The following STN1 variants were observed in gnomAD, a reference collection of about 807,000 sequenced individuals.
STN1 encodes STN1 subunit of CST complex.
In STN1, 29 loss-of-function variants were observed where a neutral mutation model predicts 45.5. That is an observed-to-expected ratio of 0.64 (90% CI 0.47 to 0.87). The LOEUF (loss-of-function observed/expected upper bound fraction) is 0.87. STN1 is among the 40% of genes least tolerant of loss of function. The pLI is 0.00. For missense variants in STN1, 376 were observed against 441.4 expected (o/e 0.85, Z 1.33); for synonymous variants, 148 against 159.0 (o/e 0.93, Z 0.52).
intron 8 of STN1, among the ~76,000 whole-genome samples, chr10:103,891,248 G>C (rs937091100): frequency 2.6e-5 from 4 of 152,182 alleles, no homozygotes; most frequent in Non-Finnish European, 5.9e-5. Context: ...CATCAAAAAG[G>C]AATGTCTAAA....
chr10:103,894,833 A>T (rs1843161439), intron 7 of STN1, among the ~76,000 whole-genome samples: 1 of 152,106 alleles, frequency 6.6e-6, no homozygotes, highest in Non-Finnish European at 1.5e-5. Context: ...AACAAACTCA[A>T]CATTCATCCA....
At chr10:103,908,430 G>T (rs1242910990) in intron 3 of STN1, among the ~76,000 whole-genome samples, 5 of 151,984 alleles carry the variant, frequency 3.3e-5, no homozygotes, top group African/African-American at 1.2e-4. Context: ...CCTTGTTTCA[G>T]CTGCGGGATG....
chr10:103,910,269 G>A (rs1346644718), intron 3 of STN1, among the ~76,000 whole-genome samples: 2 of 152,128 alleles, frequency 1.3e-5, no homozygotes, highest in South Asian at 2.1e-4. Flanking sequence ...GCTCATAGGG[G>A]GCTGTATTTT....
At chr10:103,887,187 C>G (rs1449437277) in intron 9 of STN1, among the ~76,000 whole-genome samples, 1 of 152,194 alleles carries the variant, frequency 6.6e-6, no homozygotes, top group Admixed American at 6.5e-5. Context: ...TGCTGTCCAG[C>G]TAATGAAAAG....
chr10:103,904,347 G>A (rs990659228), intron 4 of STN1, among the ~76,000 whole-genome samples: 6 of 151,878 alleles, frequency 4.0e-5, no homozygotes, highest in Non-Finnish European at 7.4e-5. Context: ...CGGGTGTGGT[G>A]GCTCAAGCCT....
At position 103,880,567 on chromosome 10, in the gene STN1, T is replaced by C. The variant is rs2134352507; in HGVS notation, c.*2117A>G. 6.6e-6 allele frequency among the ~76,000 whole-genome samples: 1 copy of C among 152,338 alleles called. No individual in the cohort carries two copies. Among genetic ancestry groups the C allele is most frequent in the East Asian group, 1.9e-4 (1 of 5,180 alleles). On this transcript the variant is annotated 3_prime_UTR_variant, in exon 10 of 10. Transcript: ENST00000224950. ...GTAATTGGGAGCCTGGCTTTGGGCC[T>C]GTGAAATCTGAGATGTCCATTAGAG...
intron 6 of STN1, among the ~76,000 whole-genome samples, chr10:103,898,067 T>C (rs1843183185): frequency 6.6e-6 from 1 of 152,202 alleles, no homozygotes; most frequent in African/African-American, 2.4e-5. Flanking sequence ...AGACACACAT[T>C]GGCTTATGAA....
intron 9 of STN1, among the ~76,000 whole-genome samples, chr10:103,887,322 A>G (rs747052976): frequency 2.6e-5 from 4 of 151,754 alleles, no homozygotes; most frequent in Non-Finnish European, 5.9e-5. Context: ...GATAAATAAT[A>G]TGATATGTTT....
intron 7 of STN1, among the ~76,000 whole-genome samples, chr10:103,892,752 C>T (rs1419011521): frequency 6.6e-6 from 1 of 152,168 alleles, no homozygotes; most frequent in Non-Finnish European, 1.5e-5. Context: ...CAGAGATCCA[C>T]CAAGGGGAGT....
At chr10:103,887,479 G>T (rs1352765472) in intron 9 of STN1, among the ~76,000 whole-genome samples, 1 of 152,178 alleles carries the variant, frequency 6.6e-6, no homozygotes, top group Non-Finnish European at 1.5e-5. Flanking sequence ...TTTTGGAGTG[G>T]ATTTTTGCAC....
chr10:103,885,887 C>G (rs1334582964), intron 9 of STN1, among the ~76,000 whole-genome samples: 3 of 152,166 alleles, frequency 2.0e-5, no homozygotes, highest in Non-Finnish European at 4.4e-5. Flanking sequence ...GCGGTGATAA[C>G]TGCGCCTTAT....
rs1216158481 is a variant in STN1, at chr10:103,882,846, A to G, written c.950-5T>C. 1 of 1,609,176 alleles carries G rather than the reference A, an allele frequency of 6.2e-7. No homozygotes were observed. The highest frequency in any genetic ancestry group is 2.2e-5 in the East Asian group (1 of 44,802). On this transcript the variant is annotated splice_polypyrimidine_tract_variant and splice_region_variant and intron_variant, in intron 9 of 9. Transcript: ENST00000224950. Reference sequence around the variant, plus strand: ...AGTGACAGCCCTTCTCCATGTCTGCAGGAAAAAGGTAGGTGGCTGAGTGTG... The same window carrying G: ...AGTGACAGCCCTTCTCCATGTCTGCGGGAAAAAGGTAGGTGGCTGAGTGTG...
chr10:103,900,230 T>C lies in STN1; in HGVS notation c.296-7A>G, dbSNP rs370459361. ...CTTGCTGCACTTGGAGCAGCTGTAG[T>C]TGTTTAGAGCCAGAGGGAAAGAGAA... On this transcript the variant is annotated splice_region_variant and splice_polypyrimidine_tract_variant and intron_variant, in intron 4 of 9. Coordinates refer to ENST00000224950, the MANE Select transcript of STN1 (RefSeq NM_024928.5). The C allele has an allele frequency of 2.2e-5, 35 of 1,613,426 alleles. No homozygotes were observed. Among genetic ancestry groups the C allele is most frequent in the African/African-American group, 5.3e-5 (4 of 74,862 alleles).
intron 3 of STN1, among the ~76,000 whole-genome samples, chr10:103,906,239 T>TGA (rs1298015650): frequency 6.6e-6 from 1 of 152,206 alleles, no homozygotes; most frequent in Non-Finnish European, 1.5e-5. Flanking sequence ...GTGGGTGGGG[T>TGA]GAGACTTCTT....
chr10:103,890,974 C>T (rs1843136087), intron 8 of STN1, among the ~76,000 whole-genome samples: 1 of 152,174 alleles, frequency 6.6e-6, no homozygotes, highest in South Asian at 2.1e-4. Flanking sequence ...TAAAGGTATG[C>T]AGCAAAAGGT....
rs1339724138 is a variant in STN1, at chr10:103,879,100, CT to C, written c.*3583del. On this transcript the variant is annotated 3_prime_UTR_variant, in exon 10 of 10. Coordinates refer to ENST00000224950, the MANE Select transcript of STN1 (RefSeq NM_024928.5). ...TCTGAGCACTTCCAGCCTGCACAGC[CT>C]ACTAAGACATGTGAGAAAGCACCCC... is the stretch of plus-strand genomic sequence containing the variant. 2.0e-5 allele frequency: 3 copies of C among 152,346 alleles called. No homozygotes were observed. The highest frequency in any genetic ancestry group is 1.3e-4 in the Admixed American group (2 of 15,278). The allele number at this position is 152,346 out of a possible 1,614,324, so 9.4% of individuals were successfully genotyped here.
chr10:103,900,348 G>A, intron 4 of STN1, 125 bp from the exon 5 acceptor site: 1 of 908,054 alleles, frequency 1.1e-6, no homozygotes, highest in Non-Finnish European at 1.6e-6. Context: ...CTGAGTAATT[G>A]TTCTACTGTT....
Position 103,897,696 on chromosome 10 carries a change from G to T in STN1, c.605C>A (p.Pro202His), listed in dbSNP as rs1843180283. ...TTCACTCAGCAAACTCGTGAGACTG[G>T]GGAGGTCCAGGGCGCCTGGATTGCT... ...ALSNPGALDLPSLTSLLSEKA... is the reference protein window; with the variant it reads ...ALSNPGALDLHSLTSLLSEKA... The change falls in exon 7 of 10, where the codon CCC (proline) becomes CAC (histidine). Residue 202 changes from proline to histidine, a missense_variant. Physicochemically the swap from Pro to His is moderately conservative, Grantham distance 77. Transcript: ENST00000224950. 1.2e-6 allele frequency: 2 copies of T among 1,614,154 alleles called. No individual in the cohort carries two copies. Among genetic ancestry groups the T allele is most frequent in the Middle Eastern group, 1.6e-4 (1 of 6,062 alleles).
intron 2 of STN1, among the ~76,000 whole-genome samples, chr10:103,917,179 A>G (rs1843338364): frequency 6.6e-6 from 1 of 151,856 alleles, no homozygotes; most frequent in Non-Finnish European, 1.5e-5. Context: ...AAAGAAAAAC[A>G]AATGAGCATT....
Sources: allele counts gnomAD v4.1 joint callset (sites outside exome capture counted in the v4.1 genomes callset), GRCh38; gene constraint gnomAD v4.1.1; transcripts MANE v1.5; gene names NCBI Gene and HGNC (gene_info 2026-07-23, HGNC 2026-07-21).